Variants in CBL observed in about 807,000 individuals in gnomAD.
The protein encoded by CBL is Cbl proto-oncogene.
A neutral mutation model predicts 96.9 loss-of-function variants in CBL; 45 were observed. The ratio of observed to expected loss-of-function variants is 0.46; its 90% CI spans 0.37 to 0.60. The LOEUF (loss-of-function observed/expected upper bound fraction) is 0.60, where lower values mean the gene tolerates loss of function less well. Among genes scored for constraint, CBL ranks in the 20% least tolerant of loss-of-function variants. CBL has a pLI of 0.00. For missense variants in CBL, 1,024 were observed against 1,143.5 expected (o/e 0.90, Z 1.51); for synonymous variants, 420 against 426.8 (o/e 0.98, Z 0.20).
chr11:119,217,584 C>A (rs1325272060), intron 1 of CBL, among the ~76,000 whole-genome samples: 1 of 152,114 alleles, frequency 6.6e-6, no homozygotes, highest in African/African-American at 2.4e-5. Context: ...TTTTGCATTC[C>A]TAATCAGCTC....
rs1248988094 is a variant in CBL at position 119,299,774 on chromosome 11, C to T, written c.2714C>T (p.Ala905Val). 6 of 1,614,080 alleles carry T rather than the reference C, an allele frequency of 3.7e-6. No homozygotes were observed. Among genetic ancestry groups the T allele is most frequent in the Non-Finnish European group, 5.1e-6 (6 of 1,179,998 alleles). ...FVSISSPAHV[A>V]T ...TCCATTTCTTCTCCTGCCCATGTAGCTACCTAGCACACCATCTCCCTGCTG... is the reference window on the plus strand; with the variant it reads ...TCCATTTCTTCTCCTGCCCATGTAGTTACCTAGCACACCATCTCCCTGCTG... The change falls in exon 16 of 16, where the codon GCT becomes GTT. Residue 905 changes from alanine (A) to valine (V), a missense_variant. By Grantham distance (64) the Ala-to-Val change is moderately conservative. Transcript: ENST00000264033.
chr11:119,287,838 T>A lies in CBL; in HGVS notation c.1942-14T>A. On this transcript the variant is annotated splice_polypyrimidine_tract_variant and intron_variant, in intron 11 of 15. Transcript: ENST00000264033. Reference sequence around the variant, plus strand: ...TAAGAAAGTTGTTTTTCAACACTTTTCTTTACTTTCCAGAGTATGAATAGC... The same window carrying A: ...TAAGAAAGTTGTTTTTCAACACTTTACTTTACTTTCCAGAGTATGAATAGC... The A allele has an allele frequency of 6.3e-7, 1 of 1,576,330 alleles. No homozygotes were observed. The highest frequency in any genetic ancestry group is 8.7e-7 in the Non-Finnish European group (1 of 1,145,546).
At chr11:119,278,347 AT>A in intron 8 of CBL, 50 bp downstream of exon 8, 1 of 1,604,314 alleles carries the variant, frequency 6.2e-7, no homozygotes, top group Non-Finnish European at 8.5e-7. Context: ...ACCTTGGAAA[AT>A]TCGGTATTAT....
At chr11:119,288,387 C>A (rs1229224627) in intron 12 of CBL, among the ~76,000 whole-genome samples, 1 of 152,134 alleles carries the variant, frequency 6.6e-6, no homozygotes, top group Non-Finnish European at 1.5e-5. Context: ...AGTCTGAGAT[C>A]AGGGTGCCTG....
At chr11:119,230,085 A>G (rs189543185) in intron 1 of CBL, among the ~76,000 whole-genome samples, 2 of 152,352 alleles carry the variant, frequency 1.3e-5, no homozygotes, top group East Asian at 3.9e-4. Flanking sequence ...TCCATAGACT[A>G]GAATTATTTA....
intron 2 of CBL, among the ~76,000 whole-genome samples, chr11:119,252,561 A>G (rs1949676833): frequency 6.6e-6 from 1 of 152,202 alleles, no homozygotes; most frequent in African/African-American, 2.4e-5. Context: ...TACTCTTAAA[A>G]TCACTAGATT....
At chr11:119,254,418 A>G (rs1949695373) in intron 2 of CBL, among the ~76,000 whole-genome samples, 1 of 152,124 alleles carries the variant, frequency 6.6e-6, no homozygotes, top group South Asian at 2.1e-4. Flanking sequence ...ACTTACAGAA[A>G]CCTAGATGAT....
rs746992487 is a variant in CBL at position 119,287,832 on chromosome 11, C to A, written c.1942-20C>A. 1.3e-6 allele frequency: 2 copies of A among 1,546,740 alleles called. No individual in the cohort carries two copies. The highest frequency in any genetic ancestry group is 2.2e-5 in the East Asian group (1 of 44,570). ...CTGTGGTAAGAAAGTTGTTTTTCAA[C>A]ACTTTTCTTTACTTTCCAGAGTATG... On this transcript the variant is annotated intron_variant, in intron 11 of 15. Coordinates refer to ENST00000264033, the MANE Select transcript of CBL (RefSeq NM_005188.4).
intron 12 of CBL, among the ~76,000 whole-genome samples, chr11:119,291,698 A>G (rs1260150522): frequency 6.6e-6 from 1 of 152,076 alleles, no homozygotes; most frequent in Non-Finnish European, 1.5e-5. Flanking sequence ...ACACAGTGAG[A>G]CCGTGTCTCA....
intron 2 of CBL, among the ~76,000 whole-genome samples, chr11:119,234,678 A>G (rs1158916571): frequency 1.3e-5 from 2 of 152,206 alleles, no homozygotes; most frequent in East Asian, 1.9e-4. Flanking sequence ...TGCACCTGTA[A>G]TTCTAGCTAC....
At chr11:119,253,709 A>C (rs1256760633) in intron 2 of CBL, among the ~76,000 whole-genome samples, 1 of 150,170 alleles carries the variant, frequency 6.7e-6, no homozygotes, top group Non-Finnish European at 1.5e-5. Flanking sequence ...GTGGTGGCGC[A>C]TACCTGTGGT....
Position 119,291,135 on chromosome 11 carries a change from G to A in CBL, c.2036+3189G>A, listed in dbSNP as rs1950023735. Among the ~76,000 whole-genome samples the A allele has an allele frequency of 2.0e-5, 3 of 152,174 alleles. No homozygotes were observed. In the South Asian group the frequency reaches 6.2e-4, roughly 32 times the overall value. On this transcript the variant is annotated intron_variant, in intron 12 of 15. Coordinates refer to ENST00000264033, the MANE Select transcript of CBL (RefSeq NM_005188.4). ...TTCTTGGCTGTGAGTGGTGGCTCAC[G>A]CCTGTAATCCCAACACTTTGGGAAG...
chr11:119,297,918 C>CT (rs1326771037), intron 14 of CBL, among the ~76,000 whole-genome samples: 4 of 152,090 alleles, frequency 2.6e-5, no homozygotes, highest in Non-Finnish European at 4.4e-5. Context: ...CTGTAAGCTC[C>CT]TTTTTTTTCT....
chr11:119,239,896 A>G (rs573438769), intron 2 of CBL, among the ~76,000 whole-genome samples: 3 of 152,248 alleles, frequency 2.0e-5, no homozygotes, highest in Non-Finnish European at 4.4e-5. Flanking sequence ...GTGCTAGTTA[A>G]ATATAGTACA....
chr11:119,242,324 C>G (rs1397285448), intron 2 of CBL, among the ~76,000 whole-genome samples: 1 of 151,966 alleles, frequency 6.6e-6, no homozygotes, highest in East Asian at 1.9e-4. Context: ...GTTGGATCAC[C>G]TGAGGTCAGG....
chr11:119,244,364 A>G (rs1434792746), intron 2 of CBL, among the ~76,000 whole-genome samples: 1 of 152,052 alleles, frequency 6.6e-6, no homozygotes, highest in Admixed American at 6.6e-5. Context: ...AGAAATTCTA[A>G]TGTAATGGTA....
At chr11:119,261,714 A>G (rs540578208) in intron 2 of CBL, among the ~76,000 whole-genome samples, 1 of 152,352 alleles carries the variant, frequency 6.6e-6, no homozygotes. Context: ...AATTCTACTT[A>G]TTAAAGTTGT....
intron 1 of CBL, among the ~76,000 whole-genome samples, chr11:119,214,794 ATC>A (rs531481144): frequency 4.6e-5 from 7 of 151,054 alleles, no homozygotes; most frequent in Admixed American, 2.0e-4. Context: ...GTTTATTAAC[ATC>A]TCTCTCTCTC....
chr11:119,276,216 G>T, intron 6 of CBL, 82 bp downstream of exon 6: 1 of 1,415,750 alleles, frequency 7.1e-7, no homozygotes, highest in Non-Finnish European at 1.0e-6. Flanking sequence ...TTTATTCCAG[G>T]TTTCTTAAAC....
Sources: gnomAD v4.1 joint callset for allele counts (sites outside exome capture counted in the v4.1 genomes callset) on GRCh38, gnomAD v4.1.1 for gene constraint, MANE v1.5 for transcripts, NCBI Gene and HGNC (gene_info 2026-07-23, HGNC 2026-07-21) for gene names.